Variants in EDC4 observed in about 807,000 individuals in gnomAD.
The protein encoded by EDC4 is enhancer of mRNA-decapping protein 4.
A neutral mutation model predicts 155.8 loss-of-function variants in EDC4; 64 were observed. That is an observed-to-expected ratio of 0.41 (90% confidence interval 0.34 to 0.51). EDC4 has a LOEUF of 0.51. Ranked by LOEUF, EDC4 falls within the 20% of genes least tolerant of loss-of-function variation. EDC4 has a pLI of 0.19. For synonymous variants in EDC4, 684 were observed against 716.8 expected, an observed-to-expected ratio of 0.95 and a Z score of 0.73; for missense variants, 1,303 against 1,812.5, an observed-to-expected ratio of 0.72 and a Z score of 5.10.
Position 67,878,898 on chromosome 16 carries a change from A to G in EDC4, c.1287+59A>G. On this transcript the variant is annotated intron_variant, in intron 11 of 28. Transcript: ENST00000358933. This position sits in a 1 kb window ranked among gnomAD's most constrained non-coding sequence, Gnocchi z 5.2. ...GGATTATAGAGGAAGGCCGGGGGGCAGGTGGCGCATCACAGCCCTTAGCCT... is the reference window on the plus strand; with the variant it reads ...GGATTATAGAGGAAGGCCGGGGGGCGGGTGGCGCATCACAGCCCTTAGCCT... The G allele has an allele frequency of 1.2e-6, 2 of 1,611,100 alleles. No homozygotes were observed. The highest frequency in any genetic ancestry group is 2.2e-5 in the East Asian group (1 of 44,886).
At position 67,877,565 on chromosome 16, in the gene EDC4, G is replaced by A. The variant is rs754471851; in HGVS notation, c.698G>A (p.Arg233His). ...QPEGTPLNHFRRIIWCPFIPE... is the reference protein window; with the variant it reads ...QPEGTPLNHFHRIIWCPFIPE... ...GAGGGCACGCCACTGAACCACTTTC[G>A]CAGGATCATCTGGTGCCCCTTCATC... The change falls in exon 6 of 29, where the codon CGC (arginine) becomes CAC (histidine). Residue 233 changes from arginine to histidine, a missense_variant. Transcript: ENST00000358933. This position sits in a 1 kb window ranked among gnomAD's most constrained non-coding sequence, Gnocchi z 4.9. 11 of 1,614,054 alleles carry A rather than the reference G, an allele frequency of 6.8e-6. No homozygotes were observed. Among genetic ancestry groups the A allele is most frequent in the South Asian group, 3.3e-5 (3 of 91,086 alleles).
rs185580779 is a variant in EDC4, at chr16:67,875,684, C to A, written c.83-261C>A. The A allele has an allele frequency of 9.7e-5, 123 of 1,266,668 alleles. 2 individuals are homozygous for A. In the Admixed American group the frequency reaches 3.4e-3, roughly 35 times the overall value. The allele number at this position is 1,266,668 out of a possible 1,614,324, so 78.5% of individuals were successfully genotyped here. A position where few individuals can be genotyped will look rare whatever the true frequency, so the allele number is the denominator to read the frequency against. On this transcript the variant is annotated intron_variant, in intron 1 of 28. Transcript: ENST00000358933. ...CAGAGTTCTTCTGTAGTGACCCAGA[C>A]CTGAGTATTCACTGCCCTCAAAGGG...
In EDC4 at chr16:67,882,339, C is replaced by G. The variant is rs891060169; in HGVS notation, c.3276+12C>G. Reference sequence around the variant, plus strand: ...TGCTCAAGTCCAAGGTGCTATAGGGCCCAAGATGTGGGTGGAGGTGGTGGT... The same window carrying G: ...TGCTCAAGTCCAAGGTGCTATAGGGGCCAAGATGTGGGTGGAGGTGGTGGT... On this transcript the variant is annotated intron_variant, in intron 24 of 28. Coordinates refer to ENST00000358933, the MANE Select transcript of EDC4 (RefSeq NM_014329.5). This position sits in a 1 kb window ranked among gnomAD's most constrained non-coding sequence, Gnocchi z 7.2. The G allele has an allele frequency of 7.4e-6, 12 of 1,613,716 alleles. No individual in the cohort carries two copies.
rs994953076 is a variant in EDC4, at chr16:67,880,339, C to G, written c.2097+123C>G. On this transcript the variant is annotated intron_variant, in intron 17 of 28. Coordinates refer to ENST00000358933, the MANE Select transcript of EDC4 (RefSeq NM_014329.5). This position sits in a 1 kb window ranked among gnomAD's most constrained non-coding sequence, Gnocchi z 5.2. ...GCTCTACCCGACATGGTCCGTGTTT[C>G]CCTGAGGTCATTTCACCCTCCTGTG... 3.3e-5 allele frequency: 47 copies of G among 1,441,910 alleles called. No individual in the cohort carries two copies. In the African/African-American group the frequency reaches 6.4e-4, roughly 20 times the overall value. 89.3% of individuals were successfully genotyped at this position (1,441,910 alleles called of 1,614,324 possible). A position where few individuals can be genotyped will look rare whatever the true frequency, so the allele number is the denominator to read the frequency against.
Position 67,876,310 on chromosome 16 carries a change from T to C in EDC4, c.240-178T>C, listed in dbSNP as rs926281138. On this transcript the variant is annotated intron_variant, in intron 2 of 28. Coordinates refer to ENST00000358933, the MANE Select transcript of EDC4 (RefSeq NM_014329.5). This position sits in a 1 kb window ranked among gnomAD's most constrained non-coding sequence, Gnocchi z 5.8. Reference sequence around the variant, plus strand: ...TACCTGGTTTAGAATGAAAGTAGGCTCATTCCCAAGGAAGGAGATGAGCAA... The same window carrying C: ...TACCTGGTTTAGAATGAAAGTAGGCCCATTCCCAAGGAAGGAGATGAGCAA... 1.3e-6 allele frequency: 1 copy of C among 741,404 alleles called. No homozygotes were observed. The highest frequency in any genetic ancestry group is 1.6e-6 in the Non-Finnish European group (1 of 607,230). The allele number at this position is 741,404 out of a possible 1,614,324, so 45.9% of individuals were successfully genotyped here.
chr16:67,878,504 A>C lies in EDC4; in HGVS notation c.1089-32A>C. ...GACCATGGCTCCCAGCAGGGGCCCC[A>C]GCCAGTCACTCACTGCCTTGTTGCC... On this transcript the variant is annotated intron_variant, in intron 9 of 28. Transcript: ENST00000358933. The surrounding 1 kb of genome is among the most constrained non-coding windows in gnomAD (Gnocchi z 5.2). The C allele has an allele frequency of 6.2e-7, 1 of 1,614,218 alleles. No homozygotes were observed.
chr16:67,879,815 A>G lies in EDC4; in HGVS notation c.1822-35A>G. The G allele has an allele frequency of 1.9e-6, 3 of 1,613,158 alleles. No homozygotes were observed. Among genetic ancestry groups the G allele is most frequent in the Non-Finnish European group, 1.7e-6 (2 of 1,179,374 alleles). The stretch of plus-strand genomic sequence containing the variant: ...AGGGGGACCTGGGAATGCCTCAGCC[A>G]CAGGCCACAGGTCTTATTTCCTGCA... On this transcript the variant is annotated intron_variant, in intron 15 of 28. Transcript: ENST00000358933. This position sits in a 1 kb window ranked among gnomAD's most constrained non-coding sequence, Gnocchi z 6.0.
In EDC4 at chr16:67,879,823, C is replaced by T; in HGVS notation, c.1822-27C>T. ...CTGGGAATGCCTCAGCCACAGGCCACAGGTCTTATTTCCTGCATCTCCCCA... is the reference window on the plus strand; with the variant it reads ...CTGGGAATGCCTCAGCCACAGGCCATAGGTCTTATTTCCTGCATCTCCCCA... On this transcript the variant is annotated intron_variant, in intron 15 of 28. Coordinates refer to ENST00000358933, the MANE Select transcript of EDC4 (RefSeq NM_014329.5). The surrounding 1 kb of genome is among the most constrained non-coding windows in gnomAD (Gnocchi z 6.0). The T allele has an allele frequency of 1.2e-6, 2 of 1,613,508 alleles. No homozygotes were observed. Among genetic ancestry groups the T allele is most frequent in the Non-Finnish European group, 1.7e-6 (2 of 1,179,664 alleles).
At position 67,880,314 on chromosome 16, in the gene EDC4, G is replaced by A; in HGVS notation, c.2097+98G>A. 6.7e-7 allele frequency: 1 copy of A among 1,486,942 alleles called. No homozygotes were observed. The highest frequency in any genetic ancestry group is 8.9e-7 in the Non-Finnish European group (1 of 1,117,732). 92.1% of individuals were successfully genotyped at this position (1,486,942 alleles called of 1,614,324 possible). A position where few individuals can be genotyped will look rare whatever the true frequency, so the allele number is the denominator to read the frequency against. ...CTCCCAGCCCCCTGCTGCTGATCCT[G>A]CTCTACCCGACATGGTCCGTGTTTC... On this transcript the variant is annotated intron_variant, in intron 17 of 28. Transcript: ENST00000358933. The surrounding 1 kb of genome is among the most constrained non-coding windows in gnomAD (Gnocchi z 5.2).
rs377414380 is a variant in EDC4, at chr16:67,883,188, C to T, written c.3849+11C>T. The T allele has an allele frequency of 3.7e-4, 578 of 1,556,594 alleles. No individual in the cohort carries two copies. The highest frequency in any genetic ancestry group is 3.1e-3 in the African/African-American group (228 of 73,788). On this transcript the variant is annotated intron_variant, in intron 27 of 28. Transcript: ENST00000358933. The surrounding 1 kb of genome is among the most constrained non-coding windows in gnomAD (Gnocchi z 5.3). Reference sequence around the variant, plus strand: ...CAGGCCTTCCAGCAGGTACGATAGGCATTAGGCCCTGCTAAGGGTCACGTG... The same window carrying T: ...CAGGCCTTCCAGCAGGTACGATAGGTATTAGGCCCTGCTAAGGGTCACGTG...
intron 1 of EDC4, chr16:67,875,732 C>G (rs2058038703): frequency 7.3e-6 from 10 of 1,371,106 alleles, no homozygotes; most frequent in African/African-American, 1.5e-5. Context: ...TGTACCCCTC[C>G]CCCAGGTAGA....
At position 67,881,581 on chromosome 16, in the gene EDC4, G is replaced by T. The variant is rs201265478; in HGVS notation, c.2826+48G>T. On this transcript the variant is annotated intron_variant, in intron 21 of 28. Transcript: ENST00000358933. The surrounding 1 kb of genome is among the most constrained non-coding windows in gnomAD (Gnocchi z 5.4). ...TACTTGTGGAACTTCACCCTGGGCG[G>T]GTGGAGAAGGGCTCTGGGCCATTCC... 1 of 1,613,444 alleles carries T rather than the reference G, an allele frequency of 6.2e-7. No homozygotes were observed. The highest frequency in any genetic ancestry group is 8.5e-7 in the Non-Finnish European group (1 of 1,179,868).
Position 67,882,450 on chromosome 16 carries a change from C to T in EDC4, c.3298C>T (p.Arg1100Ter), listed in dbSNP as rs779110268. The change falls in exon 25 of 29, where the codon CGA becomes TGA. Residue 1100 changes from arginine (R) to a stop codon, truncating the protein, a stop_gained. Coordinates refer to ENST00000358933, the MANE Select transcript of EDC4 (RefSeq NM_014329.5). LOFTEE classifies it high-confidence loss of function. The surrounding 1 kb of genome is among the most constrained non-coding windows in gnomAD (Gnocchi z 7.2). ...KSKNLTDAIA[R>*]AAADTLQGPM... Reference sequence around the variant, plus strand: ...CCAGAACTTGACTGATGCCATCGCCCGAGCAGCTGCAGACACATTACAAGG... The same window carrying T: ...CCAGAACTTGACTGATGCCATCGCCTGAGCAGCTGCAGACACATTACAAGG... The T allele has an allele frequency of 3.7e-6, 6 of 1,613,716 alleles. No homozygotes were observed. Among genetic ancestry groups the T allele is most frequent in the East Asian group, 2.2e-5 (1 of 44,882 alleles).
Position 67,878,297 on chromosome 16 carries a change from C to A in EDC4, c.1004+22C>A. 1 of 1,614,216 alleles carries A rather than the reference C, an allele frequency of 6.2e-7. No individual in the cohort carries two copies. The highest frequency in any genetic ancestry group is 8.5e-7 in the Non-Finnish European group (1 of 1,180,046). ...CAAGGTAAGGCAGGGCCTCAGGGACCAGGATCCTCCCGAGGTAGCCCACCC... is the reference window on the plus strand; with the variant it reads ...CAAGGTAAGGCAGGGCCTCAGGGACAAGGATCCTCCCGAGGTAGCCCACCC... On this transcript the variant is annotated intron_variant, in intron 8 of 28. Coordinates refer to ENST00000358933, the MANE Select transcript of EDC4 (RefSeq NM_014329.5). This position sits in a 1 kb window ranked among gnomAD's most constrained non-coding sequence, Gnocchi z 5.2.
chr16:67,875,838 G>A lies in EDC4; in HGVS notation c.83-107G>A, dbSNP rs2058039113. The A allele has an allele frequency of 5.9e-6, 9 of 1,513,524 alleles. 1 individual carries two copies. In the South Asian group the frequency reaches 6.6e-5, roughly 11 times the overall value. The allele number at this position is 1,513,524 out of a possible 1,614,324, so 93.8% of individuals were successfully genotyped here. A position where few individuals can be genotyped will look rare whatever the true frequency, so the allele number is the denominator to read the frequency against. On this transcript the variant is annotated intron_variant, in intron 1 of 28. Transcript: ENST00000358933. ...CCTCCTCATGGACATGCTTTGCTCA[G>A]TTGAGTGTTCCTAGAGCACCTCATA...
In EDC4 at chr16:67,881,150, G is replaced by A. The variant is rs374685431; in HGVS notation, c.2606G>A (p.Arg869His). ...HRPPYHLLQQ[R>H]DSQDASAEQS... is the part of the protein sequence containing the mutation. ...CCACCATATCACCTGCTGCAGCAAC[G>A]TGACAGCCAGGATGCCAGTGCTGAG... Residue 869 changes from arginine (R) to histidine (H), a missense_variant, in exon 19 of 29, where the codon CGT (arginine) becomes CAT (histidine). Physicochemically the swap from Arg to His is conservative, Grantham distance 29. Coordinates refer to ENST00000358933, the MANE Select transcript of EDC4 (RefSeq NM_014329.5). The surrounding 1 kb of genome is among the most constrained non-coding windows in gnomAD (Gnocchi z 5.4). The A allele has an allele frequency of 6.2e-6, 10 of 1,613,996 alleles. No individual in the cohort carries two copies. Among genetic ancestry groups the A allele is most frequent in the East Asian group, 2.2e-5 (1 of 44,894 alleles).
At chr16:67,874,557 G>A (rs2058034402) in intron 1 of EDC4, among the ~76,000 whole-genome samples, 1 of 152,192 alleles carries the variant, frequency 6.6e-6, no homozygotes, top group Admixed American at 6.5e-5. Context: ...GGTAGAGCCT[G>A]GCATGGCCAA....
rs958495738 is a variant in EDC4 at position 67,875,673 on chromosome 16, A to G, written c.83-272A>G. 1.8e-5 allele frequency: 22 copies of G among 1,203,854 alleles called. 1 individual carries two copies. The African/African-American group carries it at 2.6e-4, about 14-fold the overall frequency. 74.6% of individuals were successfully genotyped at this position (1,203,854 alleles called of 1,614,324 possible). ...CACTCAGTCCACAGAGTTCTTCTGT[A>G]GTGACCCAGACCTGAGTATTCACTG... On this transcript the variant is annotated intron_variant, in intron 1 of 28. Transcript: ENST00000358933.
In EDC4 at chr16:67,878,026, C is replaced by T; in HGVS notation, c.895-140C>T. On this transcript the variant is annotated intron_variant, in intron 7 of 28. Transcript: ENST00000358933. The surrounding 1 kb of genome is among the most constrained non-coding windows in gnomAD (Gnocchi z 5.2). Reference sequence around the variant, plus strand: ...TCTAGCAGCACCCTGCAGGTCTGGCCTTCTCTAGGAACCCTGTTCATTTAG... The same window carrying T: ...TCTAGCAGCACCCTGCAGGTCTGGCTTTCTCTAGGAACCCTGTTCATTTAG... The T allele has an allele frequency of 6.7e-7, 1 of 1,496,710 alleles. No homozygotes were observed. The allele number at this position is 1,496,710 out of a possible 1,614,324, so 92.7% of individuals were successfully genotyped here.
Sources: allele counts gnomAD v4.1 joint callset (sites outside exome capture counted in the v4.1 genomes callset), GRCh38; gene constraint gnomAD v4.1.1; non-coding constraint Gnocchi (gnomAD v3.1); transcripts MANE v1.5; gene names NCBI Gene and HGNC (gene_info 2026-07-23, HGNC 2026-07-21).